ARHGEF10: variants seen among roughly 807,000 people sequenced by gnomAD.
ARHGEF10 encodes Rho guanine nucleotide exchange factor 10.
In ARHGEF10, 140 loss-of-function variants were observed where a neutral mutation model predicts 147.4. The ratio of observed to expected loss-of-function variants is 0.95; its 90% confidence interval spans 0.83 to 1.09. The LOEUF is 1.09. Among genes scored for constraint, ARHGEF10 ranks in the 50% least tolerant of loss-of-function variants. ARHGEF10 has a pLI of 0.00. For synonymous variants in ARHGEF10, 902 were observed against 695.8 expected (o/e 1.30, Z -4.67); for missense variants, 2,222 against 1,752.7 (o/e 1.27, Z -4.78).
At chr8:1,829,346 G>A (rs1802953184) in intron 1 of ARHGEF10, among the ~76,000 whole-genome samples, 1 of 152,278 alleles carries the variant, frequency 6.6e-6, no homozygotes, top group South Asian at 2.1e-4. Context: ...CAGCGGCATG[G>A]AACCAGTGGG....
intron 8 of ARHGEF10, among the ~76,000 whole-genome samples, 200 bp from the exon 9 acceptor site, chr8:1,879,848 C>T (rs1808030326): frequency 6.6e-6 from 1 of 152,108 alleles, no homozygotes; most frequent in African/African-American, 2.4e-5. Flanking sequence ...CCACTGCGCC[C>T]AGCCAACTAT....
chr8:1,929,331 T>A lies in ARHGEF10; in HGVS notation c.2967T>A (p.Leu989=). The part of the protein sequence containing the change: ...KSSQGSKKVR[L]QHFFTPEKST... Reference sequence around the variant, plus strand: ...GTCAAGGCTCCAAGAAAGTGAGACTTCAGCACTTTTTCACTCCTGAGAAGT... The same window carrying A: ...GTCAAGGCTCCAAGAAAGTGAGACTACAGCACTTTTTCACTCCTGAGAAGT... The change falls in exon 25 of 29, where the codon CTT becomes CTA. Residue 989 remains leucine, a synonymous_variant. Transcript: ENST00000349830. 6.2e-7 allele frequency: 1 copy of A among 1,614,066 alleles called. No individual in the cohort carries two copies. Among genetic ancestry groups the A allele is most frequent in the South Asian group, 1.1e-5 (1 of 91,076 alleles).
intron 1 of ARHGEF10, among the ~76,000 whole-genome samples, chr8:1,830,158 G>C (rs1197902397): frequency 6.6e-6 from 1 of 152,230 alleles, no homozygotes; most frequent in Admixed American, 6.5e-5. Flanking sequence ...AGGAGTATCA[G>C]ACGAAGGCAG....
rs1403383205 is a variant in ARHGEF10, at chr8:1,909,401, G to T, written c.2074G>T (p.Gly692Cys). ...AIEYGSSAGT[G>C]EHSRHLAVHP... ...CGAGTATGGCAGCAGCGCAGGCACG[G>T]GCGAGCACAGCAGGCACCTTGCCGT... Residue 692 changes from glycine to cysteine, a missense_variant, in exon 18 of 29, where the codon GGC becomes TGC. Transcript: ENST00000349830. 8 of 1,614,050 alleles carry T rather than the reference G, an allele frequency of 5.0e-6. No individual in the cohort carries two copies. The highest frequency in any genetic ancestry group is 1.3e-5 in the African/African-American group (1 of 74,944).
intron 28 of ARHGEF10, among the ~76,000 whole-genome samples, chr8:1,955,186 C>T (rs1220119072): frequency 6.9e-6 from 1 of 144,880 alleles, no homozygotes; most frequent in Non-Finnish European, 1.5e-5. Flanking sequence ...GGTGCACTCT[C>T]ACTGTTTCTC....
At chr8:1,856,217 A>G (rs1052514576) in intron 2 of ARHGEF10, among the ~76,000 whole-genome samples, 4 of 152,258 alleles carry the variant, frequency 2.6e-5, no homozygotes, top group African/African-American at 9.6e-5. Flanking sequence ...TTTTAAAAAT[A>G]ACACATTTCT....
intron 28 of ARHGEF10, among the ~76,000 whole-genome samples, chr8:1,955,632 T>C (rs112664663): frequency 0.067 from 5,422 of 80,762 alleles, no homozygotes; most frequent in East Asian, 0.16. Context: ...GCGAGGTGCT[T>C]CCTGAAAGGA....
chr8:1,956,930 G>A lies in ARHGEF10; in HGVS notation c.3702G>A (p.Gln1234=), dbSNP rs149039734. The A allele has an allele frequency of 9.9e-6, 16 of 1,614,082 alleles. No homozygotes were observed. In the Admixed American group the frequency reaches 1.0e-4, roughly 10 times the overall value. Residue 1234 remains glutamine (Q), a synonymous_variant, in exon 29 of 29, where the codon CAG becomes CAA. Coordinates refer to ENST00000349830, the MANE Select transcript of ARHGEF10 (RefSeq NM_014629.4). ...PSGGAGSSLS[Q]GDPDAAIWLG... ...GAGGAGCTGGTTCATCTCTGAGCCA[G>A]GGTGACCCTGACGCAGCCATCTGGT...
At chr8:1,923,134 A>G in intron 19 of ARHGEF10, 55 bp downstream of exon 19, 1 of 1,312,010 alleles carries the variant, frequency 7.6e-7, no homozygotes, top group South Asian at 1.2e-5. Context: ...AAGTCATTGT[A>G]AGTATGTGAT....
rs192910467 is a variant in ARHGEF10 at position 1,836,923 on chromosome 8, C to T, written c.-47-6430C>T. 5.8e-4 allele frequency among the ~76,000 whole-genome samples: 88 copies of T among 152,236 alleles called. No homozygotes were observed. In the East Asian group the frequency reaches 0.013, roughly 23 times the overall value. On this transcript the variant is annotated intron_variant, in intron 1 of 28. Transcript: ENST00000349830. Reference sequence around the variant, plus strand: ...TTGCTTCTTCCTCATTTTCTCTTGCCGCCGCCACGTAAGAAGTGCCTTTCA... The same window carrying T: ...TTGCTTCTTCCTCATTTTCTCTTGCTGCCGCCACGTAAGAAGTGCCTTTCA...
Position 1,847,221 on chromosome 8 carries a change from G to T in ARHGEF10, c.37+3785G>T, listed in dbSNP as rs149509749. Reference sequence around the variant, plus strand: ...ATGTTGACCCTGAGGTGTGTGAGCTGATGACCTAAGCAGCCTTCAATTTCT... The same window carrying T: ...ATGTTGACCCTGAGGTGTGTGAGCTTATGACCTAAGCAGCCTTCAATTTCT... On this transcript the variant is annotated intron_variant, in intron 2 of 28. Coordinates refer to ENST00000349830, the MANE Select transcript of ARHGEF10 (RefSeq NM_014629.4). 4.5e-3 allele frequency among the ~76,000 whole-genome samples: 684 copies of T among 152,328 alleles called. 3 individuals are homozygous for T. Among genetic ancestry groups the T allele is most frequent in the African/African-American group, 0.016 (659 of 41,570 alleles).
intron 18 of ARHGEF10, among the ~76,000 whole-genome samples, chr8:1,917,315 T>C (rs949100766): frequency 6.6e-6 from 1 of 152,226 alleles, no homozygotes; most frequent in South Asian, 2.1e-4. Context: ...GAAAAACAGT[T>C]TTGTACATTT....
intron 1 of ARHGEF10, among the ~76,000 whole-genome samples, chr8:1,830,966 G>T (rs574611599): frequency 6.6e-6 from 1 of 152,380 alleles, no homozygotes; most frequent in South Asian, 2.1e-4. Flanking sequence ...CCCTGAGGTG[G>T]TGCACCCAGC....
intron 6 of ARHGEF10, among the ~76,000 whole-genome samples, chr8:1,866,927 C>T (rs1333574505): frequency 6.6e-6 from 1 of 152,084 alleles, no homozygotes; most frequent in African/African-American, 2.4e-5. Context: ...GGTCAGCCAC[C>T]ACCCACACGC....
chr8:1,920,040 T>C (rs1210596125), intron 18 of ARHGEF10, among the ~76,000 whole-genome samples: 1 of 149,540 alleles, frequency 6.7e-6, no homozygotes, highest in African/African-American at 2.5e-5. Context: ...CTATGGGTGA[T>C]GGAGCTGTTC....
chr8:1,843,215 G>C, intron 1 of ARHGEF10, 138 bp from the exon 2 acceptor site: 1 of 670,070 alleles, frequency 1.5e-6, no homozygotes, highest in South Asian at 1.6e-5. Flanking sequence ...TGACTAATAG[G>C]TGGTGAGTCT....
chr8:1,862,556 G>T (rs1258797244), intron 4 of ARHGEF10, among the ~76,000 whole-genome samples: 1 of 152,174 alleles, frequency 6.6e-6, no homozygotes, highest in Non-Finnish European at 1.5e-5. Context: ...TTTCCCGGAA[G>T]GCGGAGGAAA....
chr8:1,859,906 A>T lies in ARHGEF10; in HGVS notation c.203A>T (p.Asp68Val), dbSNP rs371258363. 6.2e-7 allele frequency: 1 copy of T among 1,614,044 alleles called. No homozygotes were observed. Among genetic ancestry groups the T allele is most frequent in the East Asian group, 2.2e-5 (1 of 44,864 alleles). ...SEAPAPTGGE[D>V]GAGAETTPVA... ...CTTTCTGCATCCCCAGGAGGTGAGG[A>T]TGGAGCTGGAGCAGAAACCACCCCA... The change falls in exon 4 of 29, where the codon GAT becomes GTT. Residue 68 changes from aspartate to valine, a missense_variant. Asp to Val is a radical substitution (Grantham distance 152, BLOSUM62 -3). Coordinates refer to ENST00000349830, the MANE Select transcript of ARHGEF10 (RefSeq NM_014629.4).
At chr8:1,850,759 G>T (rs59642770) in intron 2 of ARHGEF10, among the ~76,000 whole-genome samples, 19,907 of 152,160 alleles carry the variant, frequency 0.13, 1,572 homozygotes, top group African/African-American at 0.22. Context: ...GGTGTTGATA[G>T]CAGCTTTATT....
Sources: gnomAD v4.1 joint callset for allele counts (sites outside exome capture counted in the v4.1 genomes callset) on GRCh38, gnomAD v4.1.1 for gene constraint, MANE v1.5 for transcripts, NCBI Gene and HGNC (gene_info 2026-07-23, HGNC 2026-07-21) for gene names.